Variants in DACH1 observed in about 807,000 individuals in gnomAD.
DACH1 encodes the protein dachshund family transcription factor 1, also known as dachshund homolog 1.
A neutral mutation model predicts 54.2 loss-of-function variants in DACH1; 12 were observed. The observed-to-expected ratio is 0.22, with a 90% CI of 0.14 to 0.36. The LOEUF is 0.36. Ranked by LOEUF, DACH1 falls within the 10% of genes least tolerant of loss-of-function variation. DACH1 has a pLI of 1.00. For missense variants in DACH1, 805 were observed against 929.8 expected (o/e 0.87, Z 1.75); for synonymous variants, 386 against 366.2 (o/e 1.05, Z -0.62).
chr13:71,517,909 T>G (rs780852325), intron 6 of DACH1, among the ~76,000 whole-genome samples: 1 of 151,942 alleles, frequency 6.6e-6, no homozygotes, highest in Non-Finnish European at 1.5e-5. Flanking sequence ...TAATTCATTC[T>G]ATTTTGATTT....
chr13:71,630,434 T>A, intron 3 of DACH1, 122 bp downstream of exon 3: 1 of 1,414,600 alleles, frequency 7.1e-7, no homozygotes, highest in Non-Finnish European at 9.2e-7. Flanking sequence ...AAACATACAG[T>A]GTTTTCAAGC....
At chr13:71,683,227 A>G (rs1566430219) in intron 1 of DACH1, among the ~76,000 whole-genome samples, 1 of 152,164 alleles carries the variant, frequency 6.6e-6, no homozygotes, top group East Asian at 1.9e-4. Context: ...AATCTGGTGC[A>G]TAAACAACTA....
chr13:71,598,028 C>T (rs1466967493), intron 3 of DACH1, among the ~76,000 whole-genome samples: 5 of 150,534 alleles, frequency 3.3e-5, no homozygotes, highest in African/African-American at 1.2e-4. Flanking sequence ...TACAGTGAGC[C>T]CAGAGGGCTC....
intron 3 of DACH1, among the ~76,000 whole-genome samples, chr13:71,588,362 A>G (rs1395476523): frequency 6.6e-6 from 1 of 152,104 alleles, no homozygotes; most frequent in African/African-American, 2.4e-5. Flanking sequence ...TTTAGTTTGT[A>G]CAATTACTAA....
intron 2 of DACH1, among the ~76,000 whole-genome samples, chr13:71,650,681 G>T (rs1055125681): frequency 4.6e-5 from 7 of 152,052 alleles, no homozygotes; most frequent in African/African-American, 7.2e-5. Context: ...AATTCTAAGA[G>T]ACTCTAAACT....
At chr13:71,501,368 T>G (rs1420691790) in intron 6 of DACH1, among the ~76,000 whole-genome samples, 1 of 152,168 alleles carries the variant, frequency 6.6e-6, no homozygotes, top group East Asian at 1.9e-4. Flanking sequence ...TAGTAAATGT[T>G]AAGAGATTTT....
At chr13:71,549,372 A>G (rs1883661416) in intron 6 of DACH1, among the ~76,000 whole-genome samples, 1 of 152,140 alleles carries the variant, frequency 6.6e-6, no homozygotes, top group Non-Finnish European at 1.5e-5. Context: ...CACCTACCGT[A>G]TTAAGAAAAT....
At chr13:71,555,576 C>T (rs1016762153) in intron 6 of DACH1, among the ~76,000 whole-genome samples, 10 of 151,944 alleles carry the variant, frequency 6.6e-5, no homozygotes, top group African/African-American at 1.9e-4. Flanking sequence ...CTCCTGACCT[C>T]GTGATCTGCC....
intron 1 of DACH1, among the ~76,000 whole-genome samples, chr13:71,696,145 A>C (rs1023121303): frequency 6.6e-6 from 1 of 152,184 alleles, no homozygotes; most frequent in African/African-American, 2.4e-5. Flanking sequence ...TCTTCACCCC[A>C]AACCTCAGCA....
chr13:71,610,878 A>G (rs1875278254), intron 3 of DACH1, among the ~76,000 whole-genome samples: 1 of 152,186 alleles, frequency 6.6e-6, no homozygotes. Flanking sequence ...GAAGTTTTTA[A>G]TTCTGAAATA....
chr13:71,570,868 T>C (rs1028829582), intron 4 of DACH1, among the ~76,000 whole-genome samples: 1 of 152,130 alleles, frequency 6.6e-6, no homozygotes, highest in Admixed American at 6.5e-5. Context: ...GACAACCAAG[T>C]ATGTATTAAA....
intron 1 of DACH1, among the ~76,000 whole-genome samples, chr13:71,812,876 T>G (rs987501115): frequency 6.6e-6 from 1 of 152,154 alleles, no homozygotes; most frequent in African/African-American, 2.4e-5. Flanking sequence ...CAATTCCATA[T>G]AAGTTTAAGT....
At chr13:71,488,962 CAT>C in intron 7 of DACH1, 33 bp downstream of exon 7, 2 of 1,595,932 alleles carry the variant, frequency 1.3e-6, no homozygotes, top group East Asian at 2.2e-5. Flanking sequence ...CAGGGTGTTC[CAT>C]ATGTCTTTCT....
intron 1 of DACH1, among the ~76,000 whole-genome samples, chr13:71,759,123 C>T (rs891178333): frequency 6.6e-6 from 1 of 151,750 alleles, no homozygotes; most frequent in Non-Finnish European, 1.5e-5. Context: ...CCCTTTCTGG[C>T]TGCTTTTACT....
chr13:71,494,044 C>A (rs1015976737), intron 6 of DACH1, among the ~76,000 whole-genome samples: 1 of 152,032 alleles, frequency 6.6e-6, no homozygotes, highest in African/African-American at 2.4e-5. Flanking sequence ...CCTTTGATGG[C>A]AAATCAGATG....
chr13:71,781,570 G>A (rs1312792839), intron 1 of DACH1, among the ~76,000 whole-genome samples: 1 of 151,794 alleles, frequency 6.6e-6, no homozygotes, highest in African/African-American at 2.4e-5. Context: ...AGTAGAGACG[G>A]GGTTTCACCG....
intron 3 of DACH1, among the ~76,000 whole-genome samples, chr13:71,595,196 T>C (rs891389530): frequency 3.3e-5 from 5 of 152,070 alleles, no homozygotes; most frequent in Non-Finnish European, 7.4e-5. Flanking sequence ...CCTGGGATAT[T>C]AGAGCAATGT....
intron 1 of DACH1, among the ~76,000 whole-genome samples, chr13:71,777,276 C>A (rs1308221702): frequency 6.6e-6 from 1 of 152,012 alleles, no homozygotes; most frequent in Non-Finnish European, 1.5e-5. Flanking sequence ...GAGACAGGAA[C>A]TTCAGAGTCA....
chr13:71,633,371 G>A (rs549990885), intron 2 of DACH1, among the ~76,000 whole-genome samples: 2 of 152,242 alleles, frequency 1.3e-5, no homozygotes, highest in African/African-American at 2.4e-5. Flanking sequence ...AAAAAGAAAG[G>A]CTTGGCCTCA....
Sources: allele counts gnomAD v4.1 joint callset (sites outside exome capture counted in the v4.1 genomes callset), GRCh38; gene constraint gnomAD v4.1.1; transcripts MANE v1.5; gene names NCBI Gene and HGNC (gene_info 2026-07-23, HGNC 2026-07-21).